The following GARRE1 variants were observed in gnomAD, a reference collection of about 807,000 sequenced individuals.
GARRE1 encodes granule associated Rac and RHOG effector 1, also known as granule associated Rac and RHOG effector protein 1.
GARRE1 carries 49 observed loss-of-function variants against 103.2 expected under a neutral mutation model. That is an observed-to-expected ratio of 0.47 (90% CI 0.38 to 0.60). GARRE1 has a LOEUF of 0.60. Ranked by LOEUF, GARRE1 falls within the 20% of genes least tolerant of loss-of-function variation. GARRE1 has a pLI of 0.00. For synonymous variants in GARRE1, 505 were observed against 532.8 expected, an observed-to-expected ratio of 0.95 and a Z score of 0.72; for missense variants, 1,199 against 1,370.5, an observed-to-expected ratio of 0.87 and a Z score of 1.98.
At chr19:34,342,772 C>T (rs559799611) in intron 10 of GARRE1, among the ~76,000 whole-genome samples, 5 of 152,200 alleles carry the variant, frequency 3.3e-5, no homozygotes, top group African/African-American at 1.2e-4. Context: ...CTACTCCCGG[C>T]AGCCAAGGTC....
intron 2 of GARRE1, among the ~76,000 whole-genome samples, chr19:34,304,885 A>G (rs1488363863): frequency 1.3e-5 from 2 of 149,892 alleles, no homozygotes; most frequent in Non-Finnish European, 3.0e-5. Context: ...TCTGCCTCCC[A>G]GGTTCACGCT....
intron 13 of GARRE1, among the ~76,000 whole-genome samples, chr19:34,352,057 C>T (rs1448284900): frequency 6.6e-6 from 1 of 152,114 alleles, no homozygotes; most frequent in African/African-American, 2.4e-5. Flanking sequence ...ATGATTGCAC[C>T]ATTGCACTCC....
intron 1 of GARRE1, among the ~76,000 whole-genome samples, chr19:34,279,307 T>C (rs565773287): frequency 1.5e-4 from 23 of 152,268 alleles, no homozygotes; most frequent in African/African-American, 5.5e-4. Flanking sequence ...CTTTTTGTTT[T>C]GTTTTGTTTT....
At chr19:34,311,245 A>G (rs1448550000) in intron 2 of GARRE1, among the ~76,000 whole-genome samples, 6 of 152,162 alleles carry the variant, frequency 3.9e-5, no homozygotes, top group Non-Finnish European at 8.8e-5. Flanking sequence ...TTTGTTTTCC[A>G]TACTGTACCT....
At chr19:34,329,922 T>A (rs1226449012) in intron 6 of GARRE1, among the ~76,000 whole-genome samples, 2 of 151,964 alleles carry the variant, frequency 1.3e-5, no homozygotes, top group Admixed American at 1.3e-4. Flanking sequence ...TACAAAAAAT[T>A]TAAAAATTAG....
chr19:34,347,740 C>G (rs1480365229), intron 10 of GARRE1, 137 bp from the exon 11 acceptor site: 29 of 808,494 alleles, frequency 3.6e-5, no homozygotes, highest in Non-Finnish European at 5.0e-5. Context: ...AGCCTACAGC[C>G]CACGCTGTGG....
At chr19:34,288,220 G>A (rs774923883) in intron 1 of GARRE1, among the ~76,000 whole-genome samples, 85 of 152,164 alleles carry the variant, frequency 5.6e-4, no homozygotes, top group African/African-American at 1.4e-3. Flanking sequence ...GAAGCGTGGG[G>A]AGTGTAGAAA....
chr19:34,279,940 C>A (rs1397958308), intron 1 of GARRE1, among the ~76,000 whole-genome samples: 1 of 148,494 alleles, frequency 6.7e-6, no homozygotes, highest in Non-Finnish European at 1.5e-5. Context: ...AGCCGAGATC[C>A]CGCCACTGCA....
rs1026132836 is a variant in GARRE1 at position 34,347,781 on chromosome 19, T to G, written c.2522-96T>G. 1.0e-5 allele frequency: 12 copies of G among 1,204,872 alleles called. No homozygotes were observed. In the East Asian group the frequency reaches 3.3e-4, roughly 33 times the overall value. The allele number at this position is 1,204,872 out of a possible 1,614,324, so 74.6% of individuals were successfully genotyped here. The stretch of plus-strand genomic sequence containing the variant: ...AAGCCTGGCAGCTCCTCACTGCCTT[T>G]CATTGCATGTGTGACCAGCACGTTA... On this transcript the variant is annotated intron_variant, in intron 10 of 13. Transcript: ENST00000299505.
chr19:34,322,315 G>A (rs1385414289), intron 3 of GARRE1, among the ~76,000 whole-genome samples: 3 of 151,936 alleles, frequency 2.0e-5, no homozygotes, highest in Non-Finnish European at 4.4e-5. Context: ...GGGATTACAG[G>A]CGCGCACCAC....
At chr19:34,293,619 T>C (rs780136786) in intron 1 of GARRE1, among the ~76,000 whole-genome samples, 7 of 151,134 alleles carry the variant, frequency 4.6e-5, no homozygotes, top group Non-Finnish European at 1.0e-4. Flanking sequence ...CTGGTTGAAC[T>C]TCTGGGCTCA....
intron 1 of GARRE1, among the ~76,000 whole-genome samples, chr19:34,293,073 T>C (rs147253084): frequency 1.3e-5 from 2 of 152,318 alleles, no homozygotes; most frequent in East Asian, 3.9e-4. Flanking sequence ...TCAATACTTG[T>C]TACTGTCTTT....
In GARRE1 at chr19:34,321,223, ATTTTTTTTTTTT is replaced by A. The variant is rs71165648; in HGVS notation, c.705+1122_705+1133del. 1.1e-3 allele frequency among the ~76,000 whole-genome samples: 86 copies of A among 77,378 alleles called. 2 individuals are homozygous for A. The highest frequency in any genetic ancestry group is 9.0e-4 in the Non-Finnish European group (33 of 36,870). 50.8% of individuals were successfully genotyped at this position (77,378 alleles called of 152,430 possible). A position where few individuals can be genotyped will look rare whatever the true frequency, so the allele number is the denominator to read the frequency against. ...AGGCGCCCGCCACCAAGCCCGGCTA[ATTTTTTTTTTTT>A]TTTTTTTTTTTTTTGTATTTTTAGT... On this transcript the variant is annotated intron_variant, in intron 3 of 13. Coordinates refer to ENST00000299505, the MANE Select transcript of GARRE1 (RefSeq NM_014686.5).
At chr19:34,344,790 C>T (rs934956305) in intron 10 of GARRE1, among the ~76,000 whole-genome samples, 9 of 151,530 alleles carry the variant, frequency 5.9e-5, no homozygotes, top group Non-Finnish European at 1.3e-4. Context: ...TCTCCTGCCT[C>T]AGCTTCCTGA....
intron 3 of GARRE1, among the ~76,000 whole-genome samples, chr19:34,321,223 A>ATTTTTTTTTT (rs71165648): frequency 3.9e-5 from 3 of 77,384 alleles, no homozygotes; most frequent in Non-Finnish European, 8.1e-5. Flanking sequence ...AGCCCGGCTA[A>ATTTTTTTTTT]TTTTTTTTTT....
intron 8 of GARRE1, 125 bp from the exon 9 acceptor site, chr19:34,339,742 A>T: frequency 9.2e-7 from 1 of 1,084,920 alleles, no homozygotes; most frequent in Non-Finnish European, 1.4e-6. Context: ...CCATGTTCTT[A>T]CAGTTACTGA....
chr19:34,349,210 TG>T, intron 12 of GARRE1, 57 bp downstream of exon 12: 1 of 1,568,366 alleles, frequency 6.4e-7, no homozygotes, highest in Non-Finnish European at 8.7e-7. Context: ...ATGCAACCCA[TG>T]GCTCACTCCC....
At chr19:34,309,699 G>T (rs193076028) in intron 2 of GARRE1, among the ~76,000 whole-genome samples, 3 of 152,130 alleles carry the variant, frequency 2.0e-5, no homozygotes, top group African/African-American at 7.2e-5. Context: ...TTTTGTGTAC[G>T]TTTGGACCTT....
At chr19:34,261,342 A>G (rs1440413802) in intron 1 of GARRE1, among the ~76,000 whole-genome samples, 1 of 152,050 alleles carries the variant, frequency 6.6e-6, no homozygotes, top group East Asian at 1.9e-4. Context: ...ATAAGTATTC[A>G]ATGACAGTAT....
Sources: allele counts gnomAD v4.1 joint callset (sites outside exome capture counted in the v4.1 genomes callset), GRCh38; gene constraint gnomAD v4.1.1; transcripts MANE v1.5; gene names NCBI Gene and HGNC (gene_info 2026-07-23, HGNC 2026-07-21).